Variants in GMDS observed in about 807,000 individuals in gnomAD.
The protein encoded by GMDS is GDP-mannose 4,6 dehydratase.
GMDS carries 20 observed loss-of-function variants against 49.9 expected under a neutral mutation model. That is an observed-to-expected ratio of 0.40 (90% CI 0.28 to 0.58). The LOEUF (loss-of-function observed/expected upper bound fraction) is 0.58. GMDS is among the 20% of genes least tolerant of loss of function. GMDS has a pLI of 0.42. For synonymous variants in GMDS, 177 were observed against 178.6 expected (o/e 0.99, Z 0.07); for missense variants, 362 against 481.4 (o/e 0.75, Z 2.32).
intron 4 of GMDS, among the ~76,000 whole-genome samples, chr6:2,037,184 C>T (rs1389885169): frequency 6.6e-6 from 1 of 152,172 alleles, no homozygotes; most frequent in Non-Finnish European, 1.5e-5. Context: ...AATGCCCCTT[C>T]AACTTCACCC....
chr6:2,121,414 T>C (rs1055535983), intron 2 of GMDS, among the ~76,000 whole-genome samples: 8 of 152,184 alleles, frequency 5.3e-5, no homozygotes, highest in Non-Finnish European at 1.0e-4. Flanking sequence ...CATTTAATCC[T>C]GAGCAAAATT....
chr6:1,764,516 G>T (rs1768275162), intron 7 of GMDS, among the ~76,000 whole-genome samples: 1 of 152,088 alleles, frequency 6.6e-6, no homozygotes, highest in African/African-American at 2.4e-5. Context: ...CAGGTTATAG[G>T]GTTTTAGGTA....
intron 7 of GMDS, among the ~76,000 whole-genome samples, chr6:1,901,331 G>T (rs1301683361): frequency 6.6e-6 from 1 of 152,146 alleles, no homozygotes; most frequent in Non-Finnish European, 1.5e-5. Context: ...TTAACAACGT[G>T]TTACTACTTG....
intron 9 of GMDS, among the ~76,000 whole-genome samples, chr6:1,684,534 C>T (rs964310485): frequency 8.5e-5 from 13 of 152,100 alleles, no homozygotes; most frequent in Non-Finnish European, 1.6e-4. Context: ...ACAGACACAC[C>T]GGGGAACATG....
chr6:1,772,477 A>T (rs1463143283), intron 7 of GMDS, among the ~76,000 whole-genome samples: 1 of 152,202 alleles, frequency 6.6e-6, no homozygotes, highest in Admixed American at 6.5e-5. Flanking sequence ...GGGTACTGGA[A>T]CTGCATCCAA....
At chr6:2,158,181 T>C (rs1253654074) in intron 1 of GMDS, among the ~76,000 whole-genome samples, 1 of 152,184 alleles carries the variant, frequency 6.6e-6, no homozygotes, top group African/African-American at 2.4e-5. Flanking sequence ...TATATAATAG[T>C]TTAAAAACAA....
intron 9 of GMDS, among the ~76,000 whole-genome samples, chr6:1,675,392 C>T (rs1764585115): frequency 6.6e-6 from 1 of 151,038 alleles, no homozygotes; most frequent in Non-Finnish European, 1.5e-5. Flanking sequence ...AAGACAAAGA[C>T]AGTGTTATTT....
At chr6:2,211,109 T>C (rs1475307985) in intron 1 of GMDS, among the ~76,000 whole-genome samples, 1 of 152,172 alleles carries the variant, frequency 6.6e-6, no homozygotes, top group Non-Finnish European at 1.5e-5. Context: ...TTAAACCTCT[T>C]TTTCTTCATA....
chr6:1,914,237 A>G (rs1761249968), intron 7 of GMDS, among the ~76,000 whole-genome samples: 1 of 145,412 alleles, frequency 6.9e-6, no homozygotes, highest in South Asian at 2.2e-4. Flanking sequence ...CCGGGGTATC[A>G]TGAGGTCAGG....
chr6:2,151,822 T>C (rs1224705630), intron 1 of GMDS, among the ~76,000 whole-genome samples: 1 of 152,158 alleles, frequency 6.6e-6, no homozygotes, highest in Non-Finnish European at 1.5e-5. Context: ...TCTAACTAAA[T>C]GTCAACCATT....
At chr6:1,856,806 C>T (rs1757956032) in intron 7 of GMDS, among the ~76,000 whole-genome samples, 1 of 152,170 alleles carries the variant, frequency 6.6e-6, no homozygotes, top group South Asian at 2.1e-4. Context: ...CACTTTGTTC[C>T]CTACAGGGCC....
intron 7 of GMDS, among the ~76,000 whole-genome samples, chr6:1,826,612 C>T (rs947323880): frequency 6.6e-6 from 1 of 152,162 alleles, no homozygotes; most frequent in Non-Finnish European, 1.5e-5. Context: ...AATAGCCTGA[C>T]TTTAATTACA....
chr6:2,208,986 A>G (rs1779937960), intron 1 of GMDS, among the ~76,000 whole-genome samples: 1 of 152,200 alleles, frequency 6.6e-6, no homozygotes, highest in Admixed American at 6.5e-5. Context: ...TCTCAAGCTC[A>G]GTTTTAGAAA....
chr6:2,243,885 A>ATCTCAC (rs1256910417), intron 1 of GMDS, among the ~76,000 whole-genome samples: 10 of 96,358 alleles, frequency 1.0e-4, no homozygotes, highest in African/African-American at 4.3e-4. Context: ...TTGAGGCAGG[A>ATCTCAC]TCTCACTCTC....
intron 1 of GMDS, among the ~76,000 whole-genome samples, chr6:2,182,815 C>T (rs1324479253): frequency 6.6e-6 from 1 of 152,148 alleles, no homozygotes; most frequent in African/African-American, 2.4e-5. Context: ...AAGTCATCCT[C>T]CCACCTCAGC....
intron 7 of GMDS, among the ~76,000 whole-genome samples, chr6:1,827,963 T>C (rs1384417474): frequency 6.6e-6 from 1 of 152,020 alleles, no homozygotes; most frequent in Non-Finnish European, 1.5e-5. Context: ...ACATAAAACA[T>C]ACCTGAGGAA....
intron 7 of GMDS, among the ~76,000 whole-genome samples, chr6:1,799,598 C>T (rs1031065634): frequency 6.6e-6 from 1 of 151,874 alleles, no homozygotes; most frequent in Non-Finnish European, 1.5e-5. Flanking sequence ...TCTAGAATAA[C>T]AGAAGTCAGG....
intron 9 of GMDS, among the ~76,000 whole-genome samples, chr6:1,671,832 T>C (rs1764442595): frequency 6.6e-6 from 1 of 151,994 alleles, no homozygotes; most frequent in Non-Finnish European, 1.5e-5. Flanking sequence ...ACCCGGCTAA[T>C]TTTTGTATTT....
At chr6:2,221,213 TG>T (rs1204786137) in intron 1 of GMDS, among the ~76,000 whole-genome samples, 7 of 152,082 alleles carry the variant, frequency 4.6e-5, no homozygotes, top group African/African-American at 1.7e-4. Context: ...AACACAAAAT[TG>T]TGGCTCAAAG....
Sources: allele counts gnomAD v4.1 joint callset (sites outside exome capture counted in the v4.1 genomes callset), GRCh38; gene constraint gnomAD v4.1.1; transcripts MANE v1.5; gene names NCBI Gene and HGNC (gene_info 2026-07-23, HGNC 2026-07-21).